The following COL4A5 variants were observed in gnomAD, a reference collection of about 807,000 sequenced individuals.
COL4A5 encodes collagen type IV alpha 5 chain, also known as collagen alpha-5(IV) chain.
In COL4A5, 26 loss-of-function variants were observed where a neutral mutation model predicts 130.2. The observed-to-expected ratio is 0.20, with a 90% CI of 0.15 to 0.28. The LOEUF is 0.28. COL4A5 is among the 10% of genes least tolerant of loss of function. The probability of loss-of-function intolerance (pLI) is 1.00; values close to 1 mark genes in which losing one functional copy is unlikely to be tolerated. For synonymous variants in COL4A5, 496 were observed against 439.6 expected, an observed-to-expected ratio of 1.13 and a Z score of -1.60; for missense variants, 1,131 against 1,344.3, an observed-to-expected ratio of 0.84 and a Z score of 2.48.
intron 1 of COL4A5, among the ~76,000 whole-genome samples, chrX:108,485,289 T>C (rs1366384166): frequency 1.8e-5 from 2 of 112,048 alleles, no homozygotes; most frequent in African/African-American, 6.5e-5. Flanking sequence ...CTTGTTGTTG[T>C]ACCCCACTGT....
At chrX:108,489,476 G>T (rs2064976376) in intron 1 of COL4A5, among the ~76,000 whole-genome samples, 1 of 111,885 alleles carries the variant, frequency 8.9e-6, no homozygotes, top group Non-Finnish European at 1.9e-5. Flanking sequence ...AATGTTTGTT[G>T]AACTGAATTG....
At chrX:108,454,048 C>G (rs1328725748) in intron 1 of COL4A5, among the ~76,000 whole-genome samples, 1 of 111,718 alleles carries the variant, frequency 9.0e-6, no homozygotes, top group East Asian at 2.8e-4. Context: ...GAGTTCTTAT[C>G]TTACATATCT....
chrX:108,568,540 T>C, intron 4 of COL4A5, 89 bp from the exon 5 acceptor site: 1 of 665,743 alleles, frequency 1.5e-6, no homozygotes, highest in Non-Finnish European at 2.4e-6. Flanking sequence ...AAATCTATTC[T>C]AAAATAATTT....
intron 1 of COL4A5, among the ~76,000 whole-genome samples, chrX:108,534,020 T>G (rs949524685): frequency 1.8e-5 from 2 of 109,895 alleles, no homozygotes; most frequent in Admixed American, 9.7e-5. Context: ...AAATGGCTAT[T>G]AATAAAAAGA....
intron 25 of COL4A5, 73 bp downstream of exon 25, chrX:108,598,943 C>T (rs1370512707): frequency 9.5e-7 from 1 of 1,051,534 alleles, no homozygotes; most frequent in Non-Finnish European, 1.3e-6. Flanking sequence ...CTACTCATGG[C>T]TTCCTTTCCC....
chrX:108,463,053 T>G (rs2064669153), intron 1 of COL4A5: 2 of 112,355 alleles, frequency 1.8e-5, no homozygotes, highest in African/African-American at 6.5e-5. Flanking sequence ...GTGTAATTTA[T>G]GTATGAAACC....
At chrX:108,589,223 T>G (rs1443411274) in intron 19 of COL4A5, among the ~76,000 whole-genome samples, 2 of 111,237 alleles carry the variant, frequency 1.8e-5, no homozygotes, top group African/African-American at 6.5e-5. Flanking sequence ...CTGTATAAAT[T>G]TTTAGAAATG....
In COL4A5 at chrX:108,622,732, A is replaced by G; in HGVS notation, c.2824A>G (p.Ser942Gly). Reference protein sequence around the residue: ...GLPGPTGEKGSKGEPGLPGPP... With the variant: ...GLPGPTGEKGGKGEPGLPGPP... ...TCCTGGCCCTACAGGAGAAAAAGGT[A>G]GTAAAGGAGAGCCTGGCCTTCCAGG... The change falls in exon 33 of 53, where the codon AGT becomes GGT. Residue 942 changes from serine to glycine, a missense_variant. Physicochemically the swap from Ser to Gly is moderately conservative, Grantham distance 56. Coordinates refer to ENST00000328300, the MANE Select transcript of COL4A5 (RefSeq NM_033380.3). 2 of 1,210,630 alleles carry G rather than the reference A, an allele frequency of 1.7e-6. No homozygotes were observed. The highest frequency in any genetic ancestry group is 2.2e-6 in the Non-Finnish European group (2 of 894,502).
chrX:108,534,057 T>TA (rs1428424674), intron 1 of COL4A5, among the ~76,000 whole-genome samples: 1 of 104,086 alleles, frequency 9.6e-6, no homozygotes, highest in Non-Finnish European at 2.0e-5. Flanking sequence ...TTGGCAAGGA[T>TA]AAAAAAAATA....
At chrX:108,494,586 G>C (rs982502695) in intron 1 of COL4A5, among the ~76,000 whole-genome samples, 2 of 110,366 alleles carry the variant, frequency 1.8e-5, no homozygotes, top group Non-Finnish European at 3.8e-5. Flanking sequence ...TAAATTAAAG[G>C]CCTGATTTTT....
chrX:108,531,213 G>A (rs1260134744), intron 1 of COL4A5, among the ~76,000 whole-genome samples: 1 of 61,808 alleles, frequency 1.6e-5, no homozygotes, highest in Middle Eastern at 8.8e-3. Flanking sequence ...CTGTTGTGGG[G>A]TGGGGGGAGG....
At chrX:108,561,235 C>G (rs1161237814) in intron 3 of COL4A5, among the ~76,000 whole-genome samples, 1 of 111,530 alleles carries the variant, frequency 9.0e-6, no homozygotes, top group South Asian at 3.8e-4. Flanking sequence ...CTACCCGGGA[C>G]AGGCAATCAA....
chrX:108,486,634 G>A (rs748307856), intron 1 of COL4A5, among the ~76,000 whole-genome samples: 2 of 111,353 alleles, frequency 1.8e-5, no homozygotes, highest in South Asian at 7.6e-4. Flanking sequence ...CGTCCTCATA[G>A]CTTAGCTCCC....
intron 25 of COL4A5, among the ~76,000 whole-genome samples, chrX:108,599,817 T>C (rs1168728194): frequency 8.9e-6 from 1 of 112,277 alleles, no homozygotes; most frequent in African/African-American, 3.2e-5. Context: ...CCACAAAGCC[T>C]AAAGTATTTA....
chrX:108,470,027 A>G (rs778112328), intron 1 of COL4A5, among the ~76,000 whole-genome samples: 7 of 112,369 alleles, frequency 6.2e-5, no homozygotes, highest in Admixed American at 3.8e-4. Flanking sequence ...TCTCTATCCA[A>G]TTCACCATCG....
At chrX:108,461,995 A>G (rs1237427516) in intron 1 of COL4A5, among the ~76,000 whole-genome samples, 1 of 112,315 alleles carries the variant, frequency 8.9e-6, no homozygotes, top group Non-Finnish European at 1.9e-5. Flanking sequence ...CAATTAATGG[A>G]AATGTATACT....
chrX:108,637,638 A>G (rs1210988214), intron 36 of COL4A5, among the ~76,000 whole-genome samples: 1 of 111,954 alleles, frequency 8.9e-6, no homozygotes, highest in Non-Finnish European at 1.9e-5. Context: ...AACTAAAAAT[A>G]TATGAGACTG....
At chrX:108,454,189 T>A (rs773133420) in intron 1 of COL4A5, among the ~76,000 whole-genome samples, 150 of 112,599 alleles carry the variant, frequency 1.3e-3, no homozygotes, top group Non-Finnish European at 2.4e-3. Flanking sequence ...AAACTTAGAA[T>A]CAATGGGTTA....
intron 1 of COL4A5, among the ~76,000 whole-genome samples, chrX:108,506,386 A>G (rs1444540325): frequency 1.8e-5 from 2 of 108,358 alleles, no homozygotes; most frequent in South Asian, 4.1e-4. Context: ...CTATCTATCT[A>G]TCTACCTACC....
Sources: gnomAD v4.1 joint callset for allele counts (sites outside exome capture counted in the v4.1 genomes callset) on GRCh38, gnomAD v4.1.1 for gene constraint, MANE v1.5 for transcripts, NCBI Gene and HGNC (gene_info 2026-07-23, HGNC 2026-07-21) for gene names.